MEIG1: variants seen among roughly 807,000 people sequenced by gnomAD.
The protein encoded by MEIG1 is meiosis/spermiogenesis associated 1, also known as meiosis expressed gene 1 protein homolog.
A neutral mutation model predicts 11.3 loss-of-function variants in MEIG1; 12 were observed. That is an observed-to-expected ratio of 1.07 (90% CI 0.68 to 1.73). The LOEUF is 1.73. Among genes scored for constraint, MEIG1 ranks in the 40% most tolerant of loss-of-function variants. MEIG1 has a pLI of 0.00. For synonymous variants in MEIG1, 41 were observed against 33.2 expected (o/e 1.24, Z -0.81); for missense variants, 119 against 104.9 (o/e 1.13, Z -0.59).
Position 14,966,518 on chromosome 10 carries a change from G to C in MEIG1, c.50G>C (p.Trp17Ser). 1.9e-6 allele frequency: 3 copies of C among 1,612,580 alleles called. No individual in the cohort carries two copies. The highest frequency in any genetic ancestry group is 2.5e-6 in the Non-Finnish European group (3 of 1,179,280). ...AAATCAGTAAGTCATGCCAAAAAAT[G>C]GTCAGAAGAGATAGAAAATCTGTAC... The part of the protein sequence containing the change: ...KPKSVSHAKK[W>S]SEEIENLYRF... Residue 17 changes from tryptophan to serine, a missense_variant, in exon 2 of 3, where the codon TGG (tryptophan) becomes TCG (serine). Physicochemically the swap from Trp to Ser is radical, Grantham distance 177. Coordinates refer to ENST00000407572, the MANE Select transcript of MEIG1 (RefSeq NM_001080836.3).
At chr10:14,964,472 AT>A (rs1564503908) in intron 1 of MEIG1, among the ~76,000 whole-genome samples, 1 of 151,506 alleles carries the variant, frequency 6.6e-6, no homozygotes, top group Non-Finnish European at 1.5e-5. Context: ...TTAATCGTAT[AT>A]TTAGCATGAT....
At chr10:14,975,284 G>C (rs187269727), downstream of MEIG1, among the ~76,000 whole-genome samples, 391 of 151,948 alleles carry the variant, frequency 2.6e-3, 1 homozygote, top group African/African-American at 8.7e-3. Flanking sequence ...CTCTGATATT[G>C]TTCCTAGTAG....
chr10:14,984,450 A>T (rs534912467), intron 1 of MEIG1, among the ~76,000 whole-genome samples: 2 of 152,180 alleles, frequency 1.3e-5, no homozygotes, highest in Non-Finnish European at 2.9e-5. Context: ...CTACACACTG[A>T]GATGTTATTC....
chr10:14,985,724 C>A (rs1293598516), intron 1 of MEIG1, among the ~76,000 whole-genome samples: 2 of 151,882 alleles, frequency 1.3e-5, no homozygotes, highest in Non-Finnish European at 2.9e-5. Flanking sequence ...ATCTGCAATA[C>A]CCTAGGAGGA....
intron 1 of MEIG1, among the ~76,000 whole-genome samples, chr10:14,965,675 TGAGAGAGAGAGAGA>T (rs749211535): frequency 7.9e-5 from 8 of 101,156 alleles, no homozygotes; most frequent in South Asian, 3.5e-4. Flanking sequence ...ATTCCCTTTT[TGAGAGAGAGAGAGA>T]GAGAGAGAGA....
upstream of MEIG1, among the ~76,000 whole-genome samples, chr10:14,955,593 G>A (rs1232874201): frequency 4.6e-5 from 7 of 152,170 alleles, no homozygotes; most frequent in Non-Finnish European, 7.3e-5. Context: ...AGCTACTCGG[G>A]AGGCCGAGGC....
chr10:14,967,742 G>A lies in MEIG1; in HGVS notation c.138+1136G>A, dbSNP rs72772463. Among the ~76,000 whole-genome samples the A allele has an allele frequency of 3.2e-3, 480 of 152,258 alleles. 2 individuals are homozygous for A. The highest frequency in any genetic ancestry group is 5.6e-3 in the Non-Finnish European group (383 of 68,024). ...CCAAAACAACTACTAGTAACCTAGT[G>A]TTAACAGAAACTCTTGCCCATAAGG... is the stretch of plus-strand genomic sequence containing the variant. On this transcript the variant is annotated intron_variant, in intron 2 of 2. Coordinates refer to ENST00000407572, the MANE Select transcript of MEIG1 (RefSeq NM_001080836.3).
chr10:14,974,898 TTAA>T (rs560799341), downstream of MEIG1, among the ~76,000 whole-genome samples: 281 of 152,228 alleles, frequency 1.8e-3, no homozygotes, highest in Non-Finnish European at 3.3e-3. Context: ...GATATTCATG[TTAA>T]TAATAAATGA....
intron 1 of MEIG1, among the ~76,000 whole-genome samples, chr10:14,984,071 A>G (rs1225508128): frequency 2.0e-5 from 3 of 152,032 alleles, no homozygotes; most frequent in Non-Finnish European, 4.4e-5. Flanking sequence ...GAGGATGTAC[A>G]CCCGTGTATG....
intron 2 of MEIG1, among the ~76,000 whole-genome samples, chr10:14,971,359 T>C (rs939925059): frequency 1.2e-5 from 1 of 83,946 alleles, no homozygotes; most frequent in African/African-American, 5.5e-5. Context: ...AGTGAGACCC[T>C]GTCTCTACAA....
chr10:14,966,476 G>C lies in MEIG1; in HGVS notation c.8G>C (p.Ser3Thr), dbSNP rs141912706. The C allele has an allele frequency of 2.5e-6, 4 of 1,607,280 alleles. No homozygotes were observed. In the East Asian group the frequency reaches 6.7e-5, roughly 27 times the overall value. Residue 3 changes from serine to threonine, a missense_variant, in exon 2 of 3, where the codon AGT becomes ACT. Transcript: ENST00000407572. Reference sequence around the variant, plus strand: ...AATAAGGCCTCTGTAACCATGGCTAGTTCTGACGTAAAACCAAAATCAGTA... The same window carrying C: ...AATAAGGCCTCTGTAACCATGGCTACTTCTGACGTAAAACCAAAATCAGTA... MA[S>T]SDVKPKSVSH...
chr10:14,972,415 GTTTC>G lies in MEIG1; in HGVS notation c.139-96_139-93del, dbSNP rs747849040. Reference sequence around the variant, plus strand: ...ATTCTAAAATCTAATCTTATACTTTGTTTCTGTAAGTCATACTTTTTAACTATTT... The same window carrying G: ...ATTCTAAAATCTAATCTTATACTTTGTGTAAGTCATACTTTTTAACTATTT... On this transcript the variant is annotated intron_variant, in intron 2 of 2. Coordinates refer to ENST00000407572, the MANE Select transcript of MEIG1 (RefSeq NM_001080836.3). 1.9e-4 allele frequency: 279 copies of G among 1,477,922 alleles called. 2 individuals carry two copies. The highest frequency in any genetic ancestry group is 1.3e-3 in the South Asian group (107 of 85,206). 91.6% of individuals were successfully genotyped at this position (1,477,922 alleles called of 1,614,324 possible).
intron 1 of MEIG1, 124 bp from the exon 2 acceptor site, chr10:14,966,316 C>G: frequency 2.1e-6 from 1 of 476,660 alleles, no homozygotes; most frequent in Non-Finnish European, 3.6e-6. Context: ...CCTGCCTCAG[C>G]CTCCCAAAGT....
chr10:14,975,690 A>T (rs751618891), downstream of MEIG1, among the ~76,000 whole-genome samples: 4 of 151,946 alleles, frequency 2.6e-5, no homozygotes, highest in South Asian at 2.1e-4. Flanking sequence ...GGGGGAGAGG[A>T]TAACCCTACT....
chr10:14,984,461 A>G (rs144834083), intron 1 of MEIG1, among the ~76,000 whole-genome samples: 1 of 152,056 alleles, frequency 6.6e-6, no homozygotes, highest in African/African-American at 2.4e-5. Flanking sequence ...GATGTTATTC[A>G]CAGTATCCTA....
At chr10:14,954,525 G>C (rs766283538), upstream of MEIG1, 2 of 231,998 alleles carry the variant, frequency 8.6e-6, no homozygotes, top group African/African-American at 4.5e-5. Flanking sequence ...GGATTACCGT[G>C]AGGGTTGTAT....
At chr10:14,955,134 G>A (rs1447543449), upstream of MEIG1, among the ~76,000 whole-genome samples, 1 of 152,012 alleles carries the variant, frequency 6.6e-6, no homozygotes, top group Non-Finnish European at 1.5e-5. Flanking sequence ...GTTTCACCAC[G>A]TTGACCAGGC....
downstream of MEIG1, among the ~76,000 whole-genome samples, chr10:14,976,671 A>C (rs1319907834): frequency 6.6e-6 from 1 of 151,234 alleles, no homozygotes; most frequent in Non-Finnish European, 1.5e-5. Context: ...ATTCGTTATA[A>C]TTTTGTGGGA....
At chr10:14,983,540 G>C (rs538823270) in intron 1 of MEIG1, among the ~76,000 whole-genome samples, 145 of 152,140 alleles carry the variant, frequency 9.5e-4, no homozygotes, top group Non-Finnish European at 1.4e-3. Flanking sequence ...CGCAGGGGGT[G>C]TACATCCAGT....
Sources: gnomAD v4.1 joint callset for allele counts (sites outside exome capture counted in the v4.1 genomes callset) on GRCh38, gnomAD v4.1.1 for gene constraint, MANE v1.5 for transcripts, NCBI Gene and HGNC (gene_info 2026-07-23, HGNC 2026-07-21) for gene names.